The following SAMMSON variants were observed in gnomAD, a reference collection of about 807,000 sequenced individuals.
The protein encoded by SAMMSON is long intergenic non-protein coding RNA 1212.
intron 6 of SAMMSON, among the ~76,000 whole-genome samples, chr3:70,286,706 C>G (rs1290659204): frequency 6.6e-6 from 1 of 152,110 alleles, no homozygotes; most frequent in Non-Finnish European, 1.5e-5. Flanking sequence ...GAATGTTCTT[C>G]CATTTCTTTT....
At chr3:70,309,241 G>A (rs1702434746) in intron 7 of SAMMSON, among the ~76,000 whole-genome samples, 1 of 152,122 alleles carries the variant, frequency 6.6e-6, no homozygotes, top group Non-Finnish European at 1.5e-5. Context: ...TGAGCAAGAT[G>A]TAAAGTCTTT....
At chr3:70,328,101 A>T in intron 7 of SAMMSON, among the ~76,000 whole-genome samples, 1 of 152,154 alleles carries the variant, frequency 6.6e-6, no homozygotes, top group East Asian at 1.9e-4. Flanking sequence ...CCCTTTATAA[A>T]ACTATCAAAT....
chr3:70,125,848 A>G, intron 4 of SAMMSON: 1 of 671,362 alleles, frequency 1.5e-6, no homozygotes, highest in South Asian at 1.6e-5. Context: ...TAGTTTGTTC[A>G]TTTTCTGTTG....
chr3:70,344,295 C>T (rs553830388), intron 7 of SAMMSON, among the ~76,000 whole-genome samples: 39 of 152,024 alleles, frequency 2.6e-4, no homozygotes, highest in African/African-American at 6.0e-4. Context: ...GGCAGAATTG[C>T]GGGCCAGAGA....
At chr3:70,202,852 C>G (rs1179581484) in intron 4 of SAMMSON, among the ~76,000 whole-genome samples, 2 of 152,084 alleles carry the variant, frequency 1.3e-5, no homozygotes, top group Non-Finnish European at 2.9e-5. Flanking sequence ...GAGGGAGAAT[C>G]TCTCTCACTA....
At chr3:70,419,476 C>A (rs1701294711) in intron 2 of SAMMSON, among the ~76,000 whole-genome samples, 1 of 152,110 alleles carries the variant, frequency 6.6e-6, no homozygotes, top group Admixed American at 6.5e-5. Flanking sequence ...TATGTTTGAT[C>A]AGTCTTTGAG....
Position 70,300,575 on chromosome 3 carries a change from A to G in SAMMSON, n.739+9332A>G, listed in dbSNP as rs536908661. ...TACTTTTCCCTGTTGAGTGTTTTCA[A>G]AAATTATATTTGATTCCTAATTAGT... On this transcript the variant is annotated intron_variant and non_coding_transcript_variant, in intron 7 of 9. Transcript: ENST00000642114. Among the ~76,000 whole-genome samples the G allele has an allele frequency of 1.3e-4, 20 of 152,158 alleles. No homozygotes were observed. In the East Asian group the frequency reaches 3.7e-3, roughly 28 times the overall value.
At chr3:70,041,249 T>G (rs2107586551) in intron 3 of SAMMSON, among the ~76,000 whole-genome samples, 1 of 152,252 alleles carries the variant, frequency 6.6e-6, no homozygotes, top group African/African-American at 2.4e-5. Context: ...AGGCCTCGTA[T>G]TATCCACAGG....
At chr3:70,231,576 T>C (rs1025974189) in intron 4 of SAMMSON, among the ~76,000 whole-genome samples, 19 of 152,182 alleles carry the variant, frequency 1.2e-4, no homozygotes, top group Admixed American at 1.1e-3. Context: ...TACCCCTTAA[T>C]GGGCTTGGAG....
intron 7 of SAMMSON, among the ~76,000 whole-genome samples, chr3:70,353,945 A>G (rs143696556): frequency 3.9e-5 from 6 of 152,310 alleles, no homozygotes; most frequent in South Asian, 4.1e-4. Flanking sequence ...ATAAAAGCCA[A>G]TTTGAAAGGT....
chr3:70,304,544 G>T (rs572513352), intron 7 of SAMMSON, among the ~76,000 whole-genome samples: 4 of 152,024 alleles, frequency 2.6e-5, no homozygotes, highest in African/African-American at 9.7e-5. Flanking sequence ...TTCTAAAGCC[G>T]GGGGTCAGCC....
At chr3:70,284,588 T>C (rs1702122510) in intron 6 of SAMMSON, among the ~76,000 whole-genome samples, 1 of 152,130 alleles carries the variant, frequency 6.6e-6, no homozygotes, top group African/African-American at 2.4e-5. Flanking sequence ...TAAGATCATG[T>C]CCTTTGCAAG....
At chr3:70,388,747 T>C (rs1305072401) in intron 9 of SAMMSON, among the ~76,000 whole-genome samples, 4 of 152,148 alleles carry the variant, frequency 2.6e-5, no homozygotes, top group Admixed American at 6.6e-5. Context: ...TTGAATCATG[T>C]AGGAATGCCT....
chr3:70,375,930 T>C (rs573138451), intron 9 of SAMMSON, among the ~76,000 whole-genome samples: 17 of 152,310 alleles, frequency 1.1e-4, no homozygotes, highest in Non-Finnish European at 1.0e-4. Context: ...GTTACATTTA[T>C]ATCTTAGCTT....
chr3:70,252,365 A>T (rs1189831023), intron 6 of SAMMSON, among the ~76,000 whole-genome samples: 1 of 152,208 alleles, frequency 6.6e-6, no homozygotes, highest in Non-Finnish European at 1.5e-5. Flanking sequence ...CATTTGCTTC[A>T]GTGTATGACT....
chr3:70,430,404 TATA>T (rs1701404194), intron 2 of SAMMSON, among the ~76,000 whole-genome samples: 1 of 152,288 alleles, frequency 6.6e-6, no homozygotes, highest in Admixed American at 6.5e-5. Flanking sequence ...TAATGAAAAT[TATA>T]ATACGTTCAA....
chr3:70,126,430 C>G, intron 4 of SAMMSON: 1 of 718,984 alleles, frequency 1.4e-6, no homozygotes, highest in Non-Finnish European at 2.5e-6. Flanking sequence ...TCAGCTGCCC[C>G]TTATCTGACA....
At chr3:70,386,684 A>G (rs1200671441) in intron 9 of SAMMSON, among the ~76,000 whole-genome samples, 1 of 152,134 alleles carries the variant, frequency 6.6e-6, no homozygotes, top group Non-Finnish European at 1.5e-5. Flanking sequence ...TTATTAATTG[A>G]GTCAAATGCT....
chr3:70,147,574 A>T (rs2067554480), intron 4 of SAMMSON, among the ~76,000 whole-genome samples: 1 of 152,042 alleles, frequency 6.6e-6, no homozygotes, highest in Non-Finnish European at 1.5e-5. Flanking sequence ...TCTTTTCAAC[A>T]AATAGTCTTG....
Sources: gnomAD v4.1 joint callset for allele counts (sites outside exome capture counted in the v4.1 genomes callset) on GRCh38, gnomAD v4.1.1 for gene constraint, MANE v1.5 for transcripts, NCBI Gene and HGNC (gene_info 2026-07-23, HGNC 2026-07-21) for gene names.